LRIG3: variants seen among roughly 807,000 people sequenced by gnomAD.
The protein encoded by LRIG3 is leucine-rich repeats and immunoglobulin-like domains protein 3.
A neutral mutation model predicts 114.5 loss-of-function variants in LRIG3; 76 were observed. That is an observed-to-expected ratio of 0.66 (90% CI 0.55 to 0.80). LRIG3 has a LOEUF of 0.80. LRIG3 is among the 30% of genes least tolerant of loss of function. LRIG3 has a pLI of 0.00. For missense variants in LRIG3, 1,239 were observed against 1,382.8 expected (o/e 0.90, Z 1.65); for synonymous variants, 512 against 519.8 (o/e 0.98, Z 0.20).
intron 16 of LRIG3, among the ~76,000 whole-genome samples, chr12:58,875,527 C>T (rs1302476832): frequency 2.6e-5 from 4 of 152,228 alleles, no homozygotes; most frequent in Non-Finnish European, 4.4e-5. Context: ...AGAATAACAT[C>T]GATGGCTTCC....
chr12:58,879,386 T>C (rs534883795), intron 13 of LRIG3, among the ~76,000 whole-genome samples: 1 of 152,364 alleles, frequency 6.6e-6, no homozygotes, highest in African/African-American at 2.4e-5. Context: ...TGCCACTTTT[T>C]AGTTTCCTCA....
At chr12:58,911,008 G>A (rs1233217516) in intron 3 of LRIG3, among the ~76,000 whole-genome samples, 1 of 152,142 alleles carries the variant, frequency 6.6e-6, no homozygotes, top group Non-Finnish European at 1.5e-5. Context: ...TTTAAAATAT[G>A]TCATCCTGCA....
chr12:58,888,197 AGG>A (rs1246486419), intron 7 of LRIG3, 130 bp downstream of exon 7: 3 of 1,097,544 alleles, frequency 2.7e-6, no homozygotes, highest in Non-Finnish European at 3.8e-6. Context: ...AAATAAGACT[AGG>A]TTGCATGTGA....
chr12:58,884,187 G>A lies in LRIG3; in HGVS notation c.1245-596C>T, dbSNP rs1397692448. 2.6e-5 allele frequency among the ~76,000 whole-genome samples: 4 copies of A among 152,148 alleles called. No homozygotes were observed. The South Asian group carries it at 8.3e-4, about 32-fold the overall frequency. ...TCACCCACAGCTCACTAACATAAAC[G>A]CAGTAAGATGTTCAGACAAGATATA... On this transcript the variant is annotated intron_variant, in intron 10 of 18. Coordinates refer to ENST00000320743, the MANE Select transcript of LRIG3 (RefSeq NM_153377.5).
intron 3 of LRIG3, among the ~76,000 whole-genome samples, chr12:58,908,706 G>C (rs1872162039): frequency 6.6e-6 from 1 of 152,138 alleles, no homozygotes; most frequent in East Asian, 1.9e-4. Context: ...TAAATCTTTA[G>C]CCACTGGTTT....
Position 58,874,108 on chromosome 12 carries a change from T to C in LRIG3, c.3062A>G (p.Asp1021Gly). 6.2e-7 allele frequency: 1 copy of C among 1,614,214 alleles called. No individual in the cohort carries two copies. Among genetic ancestry groups the C allele is most frequent in the Non-Finnish European group, 8.5e-7 (1 of 1,180,038 alleles). The change falls in exon 18 of 19, where the codon GAT (aspartate) becomes GGT (glycine). Residue 1021 changes from aspartate to glycine, a missense_variant. By Grantham distance (94) the Asp-to-Gly change is moderately conservative. Coordinates refer to ENST00000320743, the MANE Select transcript of LRIG3 (RefSeq NM_153377.5). ...KNLCLNKSSL[D>G]FSANPEPASV... ...CGCTGGCTCTGGATTTGCACTAAAA[T>C]CTAAAGAGGACTTGTTTAGACACAG...
rs936258557 is a variant in LRIG3 at position 58,888,486 on chromosome 12, A to G, written c.804-14T>C. The G allele has an allele frequency of 6.2e-7, 1 of 1,610,872 alleles. No homozygotes were observed. Among genetic ancestry groups the G allele is most frequent in the South Asian group, 1.1e-5 (1 of 91,018 alleles). On this transcript the variant is annotated splice_polypyrimidine_tract_variant and intron_variant, in intron 6 of 18. Coordinates refer to ENST00000320743, the MANE Select transcript of LRIG3 (RefSeq NM_153377.5). ...TGGTCCAGCTGCCTACATTTACAGT[A>G]AGAATCAAAAGCAGGATCAAAACTT... is the stretch of plus-strand genomic sequence containing the variant.
At chr12:58,901,141 A>AT (rs974330289) in intron 3 of LRIG3, among the ~76,000 whole-genome samples, 2 of 152,240 alleles carry the variant, frequency 1.3e-5, no homozygotes, top group African/African-American at 4.8e-5. Flanking sequence ...GTGTTTTGGA[A>AT]TTTTAATCAA....
At chr12:58,879,374 T>G (rs892303580) in intron 13 of LRIG3, among the ~76,000 whole-genome samples, 1 of 152,242 alleles carries the variant, frequency 6.6e-6, no homozygotes, top group African/African-American at 2.4e-5. Context: ...CCTGCTATTT[T>G]CTGCCACTTT....
At chr12:58,905,668 A>G (rs906780434) in intron 3 of LRIG3, among the ~76,000 whole-genome samples, 2 of 152,148 alleles carry the variant, frequency 1.3e-5, no homozygotes, top group Non-Finnish European at 2.9e-5. Context: ...CTACTGATGA[A>G]TTAATGGTTT....
At chr12:58,914,080 A>G in intron 2 of LRIG3, 24 bp from the exon 3 acceptor site, 1 of 1,582,904 alleles carries the variant, frequency 6.3e-7, no homozygotes, top group Non-Finnish European at 8.6e-7. Flanking sequence ...AAAAAAAAAG[A>G]AAAAGAAAAG....
At chr12:58,896,915 T>A (rs1012402387) in intron 3 of LRIG3, among the ~76,000 whole-genome samples, 1 of 152,286 alleles carries the variant, frequency 6.6e-6, no homozygotes, top group Admixed American at 6.5e-5. Flanking sequence ...AATTACAAAC[T>A]GTTAAAGAAA....
chr12:58,890,223 C>T (rs1463174602), intron 4 of LRIG3, 84 bp from the exon 5 acceptor site: 1 of 1,406,938 alleles, frequency 7.1e-7, no homozygotes, highest in South Asian at 1.4e-5. Flanking sequence ...GAAGGAGTCT[C>T]CAGAGAACTT....
intron 3 of LRIG3, among the ~76,000 whole-genome samples, chr12:58,899,674 C>A (rs1592305548): frequency 1.3e-5 from 2 of 152,020 alleles, no homozygotes; most frequent in African/African-American, 4.8e-5. Context: ...TCATTTGTTT[C>A]AAACTCTGAC....
At chr12:58,888,277 T>C in intron 7 of LRIG3, 52 bp downstream of exon 7, 2 of 1,575,006 alleles carry the variant, frequency 1.3e-6, no homozygotes, top group South Asian at 1.1e-5. Context: ...GCTCATGCCC[T>C]GGCATGATCC....
intron 1 of LRIG3, among the ~76,000 whole-genome samples, chr12:58,915,229 TA>T (rs1872433349): frequency 1.3e-5 from 2 of 152,176 alleles, no homozygotes; most frequent in Non-Finnish European, 2.9e-5. Flanking sequence ...AATAGTGTAA[TA>T]AAAATGAAAT....
At chr12:58,896,057 T>C (rs1243116084) in intron 3 of LRIG3, among the ~76,000 whole-genome samples, 4 of 152,204 alleles carry the variant, frequency 2.6e-5, no homozygotes, top group Non-Finnish European at 5.9e-5. Flanking sequence ...GGTCCCCCTG[T>C]GCTCAGGTGT....
intron 8 of LRIG3, among the ~76,000 whole-genome samples, chr12:58,887,500 A>G (rs1871313992): frequency 6.6e-6 from 1 of 152,174 alleles, no homozygotes. Context: ...AGAAAAACTT[A>G]GTGGACTTAA....
At chr12:58,893,968 G>C (rs1871545610) in intron 3 of LRIG3, among the ~76,000 whole-genome samples, 1 of 152,182 alleles carries the variant, frequency 6.6e-6, no homozygotes, top group South Asian at 2.1e-4. Context: ...AAATTAGTTG[G>C]GGGTGGGGAG....
Sources: allele counts gnomAD v4.1 joint callset (sites outside exome capture counted in the v4.1 genomes callset), GRCh38; gene constraint gnomAD v4.1.1; transcripts MANE v1.5; gene names NCBI Gene and HGNC (gene_info 2026-07-23, HGNC 2026-07-21).